TRAM2: variants seen among roughly 807,000 people sequenced by gnomAD.
TRAM2 encodes translocating chain-associated membrane protein 2.
TRAM2 carries 12 observed loss-of-function variants against 51.0 expected under a neutral mutation model. The observed-to-expected ratio is 0.24, with a 90% CI of 0.15 to 0.38. The LOEUF (loss-of-function observed/expected upper bound fraction) is 0.38. Ranked by LOEUF, TRAM2 falls within the 10% of genes least tolerant of loss-of-function variation. TRAM2 has a pLI of 1.00. For synonymous variants in TRAM2, 175 were observed against 179.4 expected (o/e 0.98, Z 0.20); for missense variants, 361 against 462.0 (o/e 0.78, Z 2.00).
At position 52,506,146 on chromosome 6, in the gene TRAM2, G is replaced by A. The variant is rs1242089269; in HGVS notation, c.627-10C>T. Reference sequence around the variant, plus strand: ...GCCCAGGCGGCTCAGGCTGGGGGTGGGGAAGACTAGACTTACATTCCCTCC... The same window carrying A: ...GCCCAGGCGGCTCAGGCTGGGGGTGAGGAAGACTAGACTTACATTCCCTCC... On this transcript the variant is annotated splice_polypyrimidine_tract_variant and intron_variant, in intron 7 of 10. Transcript: ENST00000182527. 7 of 1,611,824 alleles carry A rather than the reference G, an allele frequency of 4.3e-6. No individual in the cohort carries two copies. Among genetic ancestry groups the A allele is most frequent in the Non-Finnish European group, 5.1e-6 (6 of 1,179,046 alleles).
chr6:52,552,259 C>A (rs1358469832), intron 1 of TRAM2, among the ~76,000 whole-genome samples: 2 of 152,224 alleles, frequency 1.3e-5, no homozygotes, highest in Non-Finnish European at 2.9e-5. Context: ...AGAGGACAGC[C>A]CTGGGACAGG....
At chr6:52,505,029 G>A (rs998397646) in intron 9 of TRAM2, among the ~76,000 whole-genome samples, 2 of 152,254 alleles carry the variant, frequency 1.3e-5, no homozygotes, top group African/African-American at 2.4e-5. Context: ...CTCCTATGAC[G>A]AGGGAGGGGT....
At position 52,548,784 on chromosome 6, in the gene TRAM2, T is replaced by C. The variant is rs4370350; in HGVS notation, c.121-12938A>G. ...GTTCATTTTAAGACAAGAGATGTCA[T>C]AGATCAGGACAGCGTTAGGCAAAGG... On this transcript the variant is annotated intron_variant, in intron 1 of 10. Coordinates refer to ENST00000182527, the MANE Select transcript of TRAM2 (RefSeq NM_012288.4). Among the ~76,000 whole-genome samples, 6 of 152,332 alleles carry C rather than the reference T, an allele frequency of 3.9e-5. No homozygotes were observed. In the East Asian group the frequency reaches 1.2e-3, roughly 29 times the overall value.
intron 1 of TRAM2, among the ~76,000 whole-genome samples, chr6:52,537,355 T>G (rs932206590): frequency 2.0e-5 from 3 of 152,234 alleles, no homozygotes; most frequent in Admixed American, 1.3e-4. Context: ...CCTACCTTCC[T>G]GTCCAACTGC....
rs1301339009 is a variant in TRAM2 at position 52,504,592 on chromosome 6, A to C, written c.1038T>G (p.Ser346=). The change falls in exon 10 of 11, where the codon TCT becomes TCG. Residue 346 remains serine, a splice_region_variant and synonymous_variant. Coordinates refer to ENST00000182527, the MANE Select transcript of TRAM2 (RefSeq NM_012288.4). ...RLPARLIKRE[S]GYHENGVVKA... Reference sequence around the variant, plus strand: ...TCTGCCAAGGGCCCTGGCACTCACCAGATTCCCTCTTGATGAGCCTGGCTG... The same window carrying C: ...TCTGCCAAGGGCCCTGGCACTCACCCGATTCCCTCTTGATGAGCCTGGCTG... The C allele has an allele frequency of 1.2e-6, 2 of 1,613,986 alleles. No individual in the cohort carries two copies. The highest frequency in any genetic ancestry group is 2.7e-5 in the African/African-American group (2 of 74,942).
At chr6:52,537,085 TC>T (rs754809233) in intron 1 of TRAM2, among the ~76,000 whole-genome samples, 1 of 152,080 alleles carries the variant, frequency 6.6e-6, no homozygotes, top group Non-Finnish European at 1.5e-5. Flanking sequence ...AGAGCAAATC[TC>T]CCCACTCCCC....
intron 2 of TRAM2, among the ~76,000 whole-genome samples, chr6:52,528,771 G>C (rs1766828728): frequency 1.3e-5 from 2 of 152,114 alleles, no homozygotes; most frequent in Non-Finnish European, 2.9e-5. Flanking sequence ...ACCTTTCTCT[G>C]GAAGAGTTCC....
chr6:52,511,075 G>C (rs1385204271), intron 4 of TRAM2, among the ~76,000 whole-genome samples: 1 of 152,080 alleles, frequency 6.6e-6, no homozygotes, highest in African/African-American at 2.4e-5. Context: ...TGAAAAAACA[G>C]ATAGGAAGGA....
In TRAM2 at chr6:52,506,127, G is replaced by A. The variant is rs776496417; in HGVS notation, c.636C>T (p.Arg212=). 68 of 1,613,730 alleles carry A rather than the reference G, an allele frequency of 4.2e-5. No individual in the cohort carries two copies. The highest frequency in any genetic ancestry group is 5.5e-5 in the Non-Finnish European group (65 of 1,180,006). ...GCAGCAGCAGCAAGATCAGGCCCAG[G>A]CGGCTCAGGCTGGGGGTGGGGAAGA... is the stretch of plus-strand genomic sequence containing the variant. ...IAGAYLLNLS[R]LGLILLLLQY... Residue 212 remains arginine, a synonymous_variant, in exon 8 of 11, where the codon CGC becomes CGT. Coordinates refer to ENST00000182527, the MANE Select transcript of TRAM2 (RefSeq NM_012288.4).
At chr6:52,543,225 AC>A (rs1447927625) in intron 1 of TRAM2, among the ~76,000 whole-genome samples, 15 of 152,196 alleles carry the variant, frequency 9.9e-5, no homozygotes, top group Non-Finnish European at 1.5e-4. Context: ...TTGATTATAT[AC>A]TTCACTCTCA....
In TRAM2 at chr6:52,505,043, T is replaced by C. The variant is rs1487258057; in HGVS notation, c.876-289A>G. Among the ~76,000 whole-genome samples, 4 of 152,248 alleles carry C rather than the reference T, an allele frequency of 2.6e-5. No individual in the cohort carries two copies. In the East Asian group the frequency reaches 5.8e-4, roughly 22 times the overall value. On this transcript the variant is annotated intron_variant, in intron 9 of 10. Transcript: ENST00000182527. ...ACTCCTATGACGAGGGAGGGGTCCA[T>C]GGCTGTGTCTGTTTTGCGCCCATTG...
chr6:52,527,386 AAAAAG>A (rs559866440), intron 2 of TRAM2, among the ~76,000 whole-genome samples: 179 of 151,792 alleles, frequency 1.2e-3, no homozygotes, highest in African/African-American at 3.5e-3. Context: ...TCAAAAAAAA[AAAAAG>A]AAAAGAAAAG....
At chr6:52,528,871 C>T (rs749182398) in intron 2 of TRAM2, among the ~76,000 whole-genome samples, 1 of 149,590 alleles carries the variant, frequency 6.7e-6, no homozygotes, top group African/African-American at 2.5e-5. Context: ...CACTGCCTTA[C>T]AAACGTGTAC....
chr6:52,537,191 G>C (rs1766989260), intron 1 of TRAM2, among the ~76,000 whole-genome samples: 1 of 152,208 alleles, frequency 6.6e-6, no homozygotes, highest in African/African-American at 2.4e-5. Context: ...TGCAGCCTTA[G>C]ACATGTCCTA....
chr6:52,558,149 G>GC (rs1767441031), intron 1 of TRAM2, among the ~76,000 whole-genome samples: 1 of 152,146 alleles, frequency 6.6e-6, no homozygotes, highest in Non-Finnish European at 1.5e-5. Context: ...TCTCGCACAA[G>GC]CAAAACCTGC....
intron 1 of TRAM2, among the ~76,000 whole-genome samples, chr6:52,553,983 A>G (rs1244296176): frequency 6.6e-6 from 1 of 152,170 alleles, no homozygotes; most frequent in African/African-American, 2.4e-5. Flanking sequence ...AGCCACCAGC[A>G]GCAACAGCTC....
intron 1 of TRAM2, among the ~76,000 whole-genome samples, chr6:52,563,681 C>T (rs989828590): frequency 3.7e-5 from 4 of 107,002 alleles, no homozygotes; most frequent in Admixed American, 2.8e-4. Flanking sequence ...GGGGACAGAG[C>T]GAGACTCAGC....
intron 2 of TRAM2, chr6:52,516,951 T>C (rs575177076): frequency 1.8e-6 from 1 of 563,066 alleles, no homozygotes; most frequent in South Asian, 2.0e-5. Context: ...GAGAACCAAG[T>C]GCATGGCTGT....
In TRAM2 at chr6:52,499,916, C is replaced by T. The variant is rs1766173150; in HGVS notation, c.*3281G>A. The T allele has an allele frequency of 6.6e-6, 1 of 152,228 alleles. No homozygotes were observed. The highest frequency in any genetic ancestry group is 2.1e-4 in the South Asian group (1 of 4,826). The allele number at this position is 152,228 out of a possible 1,614,324, so 9.4% of individuals were successfully genotyped here. A position where few individuals can be genotyped will look rare whatever the true frequency, so the allele number is the denominator to read the frequency against. ...TGCTCCCCTCTCACCCAGAACCATCCCCTACCTTCAAAAGGAACACATGCA... is the reference window on the plus strand; with the variant it reads ...TGCTCCCCTCTCACCCAGAACCATCTCCTACCTTCAAAAGGAACACATGCA... On this transcript the variant is annotated 3_prime_UTR_variant, in exon 11 of 11. Coordinates refer to ENST00000182527, the MANE Select transcript of TRAM2 (RefSeq NM_012288.4).
Sources: allele counts gnomAD v4.1 joint callset (sites outside exome capture counted in the v4.1 genomes callset), GRCh38; gene constraint gnomAD v4.1.1; transcripts MANE v1.5; gene names NCBI Gene and HGNC (gene_info 2026-07-23, HGNC 2026-07-21).